POU2AF3: variants seen among roughly 807,000 people sequenced by gnomAD.
POU2AF3 encodes the protein cancer susceptibility candidate 13.
At chr11:111,298,935 G>T in the POU2AF3 span, 27 of 1,051,652 alleles carry the variant, frequency 2.6e-5, no homozygotes, top group African/African-American at 3.5e-4. Context: ...CAGTGAGCCT[G>T]GGACGGGGGC....
the POU2AF3 span, chr11:111,306,287 GC>G: frequency 1.5e-5 from 8 of 528,418 alleles, no homozygotes; most frequent in African/African-American, 4.0e-5. Context: ...GATTTGTTAA[GC>G]CCCCTTTCCC....
the POU2AF3 span, chr11:111,299,944 G>T: frequency 2.5e-6 from 1 of 405,698 alleles, no homozygotes; most frequent in African/African-American, 2.1e-5. Flanking sequence ...AAACCTCACC[G>T]CTTGCTCCCG....
At chr11:111,298,826 G>GCGGGGGGCCCCCCCC in the POU2AF3 span, 2 of 790,962 alleles carry the variant, frequency 2.5e-6, no homozygotes, top group Non-Finnish European at 3.4e-6. Context: ...CGTACCCCAG[G>GCGGGGGGCCCCCCCC]CCCCCGCCCG....
chr11:111,300,460 G>T, the POU2AF3 span: 1 of 715,642 alleles, frequency 1.4e-6, no homozygotes, highest in Non-Finnish European at 1.9e-6. Flanking sequence ...CTATAAAAGG[G>T]GCCCCCACTC....
chr11:111,302,999 A>G, the POU2AF3 span, among the ~76,000 whole-genome samples: 2 of 152,356 alleles, frequency 1.3e-5, no homozygotes, highest in Non-Finnish European at 2.9e-5. Context: ...GGAGAGGGTT[A>G]ATTATATCAA....
the POU2AF3 span, chr11:111,298,826 G>GGGGGGGGGGGGCCCC: frequency 7.6e-6 from 6 of 790,960 alleles, no homozygotes; most frequent in Non-Finnish European, 1.0e-5. Context: ...CGTACCCCAG[G>GGGGGGGGGGGGCCCC]CCCCCGCCCG....
chr11:111,298,672 T>C, the POU2AF3 span: 8 of 1,203,324 alleles, frequency 6.6e-6, no homozygotes, highest in Non-Finnish European at 8.4e-6. Context: ...TTTTCCTGCA[T>C]AGAACAGAGA....
At chr11:111,299,215 C>A in the POU2AF3 span, 4 of 979,242 alleles carry the variant, frequency 4.1e-6, no homozygotes, top group East Asian at 3.4e-4. Context: ...CAGCTGCGGT[C>A]CCCGCAGTGA....
the POU2AF3 span, chr11:111,300,708 C>T: frequency 1.7e-6 from 1 of 602,332 alleles, no homozygotes; most frequent in Non-Finnish European, 2.4e-6. Context: ...CACTCAAGGC[C>T]CCACGCACTC....
At chr11:111,308,418 G>A in the POU2AF3 span, 10 of 1,550,404 alleles carry the variant, frequency 6.4e-6, no homozygotes, top group South Asian at 1.2e-5. Flanking sequence ...GAAACAAACT[G>A]TGACATCTGC....
the POU2AF3 span, chr11:111,305,018 C>G: frequency 8.3e-7 from 1 of 1,198,668 alleles, no homozygotes; most frequent in South Asian, 4.2e-5. Flanking sequence ...CCCTCAAACA[C>G]TCTTTCAAAA....
chr11:111,304,759 C>A, the POU2AF3 span: 3 of 392,792 alleles, frequency 7.6e-6, no homozygotes, highest in Admixed American at 4.5e-5. Context: ...ATATTTTGTA[C>A]AAAAATTTGT....
the POU2AF3 span, chr11:111,300,354 A>G: frequency 2.8e-6 from 1 of 354,316 alleles, no homozygotes; most frequent in Non-Finnish European, 5.0e-6. Flanking sequence ...GCTACTCTTC[A>G]TTCTTTCAAG....
chr11:111,299,425 A>C, the POU2AF3 span: 1 of 1,024,496 alleles, frequency 9.8e-7, no homozygotes, highest in Non-Finnish European at 1.2e-6. Flanking sequence ...TTGGCCTAAC[A>C]GCCAGTCCCC....
At chr11:111,299,375 C>T in the POU2AF3 span, 1 of 995,750 alleles carries the variant, frequency 1.0e-6, no homozygotes, top group African/African-American at 1.7e-5. Context: ...GCCCCGGACT[C>T]CTGCGGCCAC....
At chr11:111,299,263 C>A in the POU2AF3 span, 1 of 986,696 alleles carries the variant, frequency 1.0e-6, no homozygotes, top group Non-Finnish European at 1.2e-6. Flanking sequence ...TATCTCCAGG[C>A]GTCCAGGCTG....
chr11:111,298,761 C>A, the POU2AF3 span: 116 of 1,125,300 alleles, frequency 1.0e-4, no homozygotes, highest in Non-Finnish European at 1.3e-4. Context: ...TCCCACTCAG[C>A]GCCTGTCCCG....
chr11:111,302,486 C>G, the POU2AF3 span, among the ~76,000 whole-genome samples: 4 of 152,206 alleles, frequency 2.6e-5, no homozygotes, highest in Admixed American at 2.6e-4. Flanking sequence ...TGTGGCACTT[C>G]TGTTGCTGCT....
the POU2AF3 span, chr11:111,299,315 C>G: frequency 7.1e-6 from 7 of 987,508 alleles, no homozygotes; most frequent in Admixed American, 6.1e-5. Context: ...GCGCACTTCC[C>G]GGCGCGATTC....
Sources: allele counts gnomAD v4.1 joint callset (sites outside exome capture counted in the v4.1 genomes callset), GRCh38; gene constraint gnomAD v4.1.1; transcripts MANE v1.5; gene names NCBI Gene and HGNC (gene_info 2026-07-23, HGNC 2026-07-21).